CEP83: variants seen among roughly 807,000 people sequenced by gnomAD.
The protein encoded by CEP83 is centrosomal protein of 83 kDa.
CEP83 carries 70 observed loss-of-function variants against 101.9 expected under a neutral mutation model. The observed-to-expected ratio is 0.69, with a 90% CI of 0.57 to 0.84. CEP83 has a LOEUF of 0.84. Ranked by LOEUF, CEP83 falls within the 40% of genes least tolerant of loss-of-function variation. CEP83 has a pLI of 0.00. For missense variants in CEP83, 715 were observed against 787.2 expected (o/e 0.91, Z 1.10); for synonymous variants, 264 against 267.9 (o/e 0.99, Z 0.14).
intron 2 of CEP83, among the ~76,000 whole-genome samples, chr12:94,419,752 G>C (rs960512130): frequency 1.3e-5 from 2 of 152,026 alleles, no homozygotes; most frequent in African/African-American, 4.8e-5. Flanking sequence ...AAGGAGAAGA[G>C]AGTCTTCAAT....
chr12:94,310,550 GTCCTGCAGTCAGCCCT>G (rs1969692217), intron 15 of CEP83, among the ~76,000 whole-genome samples: 1 of 152,120 alleles, frequency 6.6e-6, no homozygotes, highest in Non-Finnish European at 1.5e-5. Flanking sequence ...GTGCATACAA[GTCCTGCAGTCAGCCCT>G]GCAGAACCCT....
chr12:94,380,210 C>T (rs2061771047), intron 6 of CEP83, among the ~76,000 whole-genome samples: 1 of 151,978 alleles, frequency 6.6e-6, no homozygotes, highest in South Asian at 2.1e-4. Flanking sequence ...AGACCTCCAC[C>T]CCAGGGCAGG....
the CEP83 span, among the ~76,000 whole-genome samples, chr12:94,281,279 CA>C: frequency 6.6e-6 from 1 of 150,638 alleles, no homozygotes; most frequent in Admixed American, 6.6e-5. Flanking sequence ...ACCCTGTCTC[CA>C]AAAAAAACAA....
chr12:94,372,595 C>T (rs2061354770), intron 8 of CEP83, among the ~76,000 whole-genome samples: 2 of 152,128 alleles, frequency 1.3e-5, no homozygotes, highest in Admixed American at 6.5e-5. Context: ...AAATTAGAGC[C>T]ATCTTATTTC....
At chr12:94,346,447 CAA>C (rs201802151) in intron 11 of CEP83, among the ~76,000 whole-genome samples, 4 of 91,388 alleles carry the variant, frequency 4.4e-5, no homozygotes, top group Non-Finnish European at 4.8e-5. Flanking sequence ...GACGCCGTCT[CAA>C]AAAAAAAAAA....
intron 14 of CEP83, among the ~76,000 whole-genome samples, chr12:94,325,191 A>C (rs2058922008): frequency 1.4e-5 from 2 of 143,852 alleles, no homozygotes. Context: ...TTTTTTTTTG[A>C]GATGGAGTCT....
intron 2 of CEP83, among the ~76,000 whole-genome samples, chr12:94,421,926 G>GA (rs2064784304): frequency 6.6e-6 from 1 of 152,138 alleles, no homozygotes; most frequent in South Asian, 2.1e-4. Flanking sequence ...TTTACTCAAA[G>GA]ACCTGTGGTA....
At chr12:94,334,882 A>G (rs1015925526) in intron 12 of CEP83, among the ~76,000 whole-genome samples, 2 of 152,204 alleles carry the variant, frequency 1.3e-5, no homozygotes, top group Admixed American at 1.3e-4. Flanking sequence ...CCATATGCAT[A>G]GCATGACAGA....
At position 94,454,902 on chromosome 12, in the gene CEP83, C is replaced by T. The variant is rs138287697; in HGVS notation, c.-155+4655G>A. ...CGGGAGGAATGAACAACTCCGGACG[C>T]GCCACCTTTAAGAGCTGTAGCACTC... On this transcript the variant is annotated intron_variant, in intron 1 of 16. Transcript: ENST00000397809. Among the ~76,000 whole-genome samples the T allele has an allele frequency of 2.8e-4, 42 of 152,230 alleles. No homozygotes were observed. The East Asian group carries it at 5.4e-3, about 20-fold the overall frequency.
intron 14 of CEP83, among the ~76,000 whole-genome samples, chr12:94,327,160 G>A (rs1320386850): frequency 1.3e-5 from 2 of 152,180 alleles, no homozygotes; most frequent in Non-Finnish European, 2.9e-5. Context: ...TCACAGGATA[G>A]TCAAATCGAT....
At chr12:94,266,457 C>T in the CEP83 span, among the ~76,000 whole-genome samples, 9 of 152,346 alleles carry the variant, frequency 5.9e-5, no homozygotes, top group Non-Finnish European at 1.3e-4. Flanking sequence ...CTAGCAGAAT[C>T]GCCCAGAAAG....
chr12:94,458,703 A>G (rs2067897372), intron 1 of CEP83, among the ~76,000 whole-genome samples: 1 of 152,176 alleles, frequency 6.6e-6, no homozygotes, highest in Non-Finnish European at 1.5e-5. Context: ...GCGCTACTGC[A>G]CTCCAGCCTG....
At chr12:94,387,761 T>A (rs1268345251) in intron 6 of CEP83, among the ~76,000 whole-genome samples, 1 of 151,818 alleles carries the variant, frequency 6.6e-6, no homozygotes, top group East Asian at 1.9e-4. Context: ...CATAATAAAG[T>A]AGGCAAAGTA....
At position 94,412,324 on chromosome 12, in the gene CEP83, T is replaced by C; in HGVS notation, c.167A>G (p.His56Arg). Residue 56 changes from histidine (H) to arginine (R), a missense_variant, in exon 3 of 17, where the codon CAC (histidine) becomes CGC (arginine). Physicochemically the swap from His to Arg is conservative, Grantham distance 29 (BLOSUM62 0). Coordinates refer to ENST00000397809, the MANE Select transcript of CEP83 (RefSeq NM_016122.3). ...CTAGATTTAAGTAATTTACCTTGTGTGTTCAGCCTTCAGTGTCTGATAATT... is the reference window on the plus strand; with the variant it reads ...CTAGATTTAAGTAATTTACCTTGTGCGTTCAGCCTTCAGTGTCTGATAATT... ...KANYQTLKAE[H>R]TRLQNEHVKL... is the part of the protein sequence containing the mutation. 2 of 1,598,500 alleles carry C rather than the reference T, an allele frequency of 1.3e-6. No homozygotes were observed. Among genetic ancestry groups the C allele is most frequent in the Non-Finnish European group, 1.7e-6 (2 of 1,174,760 alleles).
At chr12:94,300,392 A>C in the CEP83 span, among the ~76,000 whole-genome samples, 2 of 152,194 alleles carry the variant, frequency 1.3e-5, no homozygotes, top group Non-Finnish European at 2.9e-5. Flanking sequence ...CAAGAGCACA[A>C]GTTGTGAGGC....
the CEP83 span, chr12:94,278,230 A>G: frequency 2.8e-6 from 1 of 359,044 alleles, no homozygotes; most frequent in Non-Finnish European, 5.6e-6. Flanking sequence ...ATAATTGTGC[A>G]TTTCACACCA....
Position 94,364,786 on chromosome 12 carries a change from G to A in CEP83, c.1343+3008C>T, listed in dbSNP as rs553503529. Among the ~76,000 whole-genome samples the A allele has an allele frequency of 6.6e-5, 10 of 152,208 alleles. 1 individual carries two copies. The highest frequency in any genetic ancestry group is 1.7e-4 in the African/African-American group (7 of 41,528). Reference sequence around the variant, plus strand: ...ATCATGAATCACTGGGGCAAAGACAGGTTTTTAATAAAAGTGTGGGACAAT... The same window carrying A: ...ATCATGAATCACTGGGGCAAAGACAAGTTTTTAATAAAAGTGTGGGACAAT... On this transcript the variant is annotated intron_variant, in intron 11 of 16. Transcript: ENST00000397809.
intron 2 of CEP83, chr12:94,424,627 T>G: frequency 6.2e-7 from 1 of 1,613,754 alleles, no homozygotes; most frequent in Non-Finnish European, 8.5e-7. Context: ...TCAGTGCTGT[T>G]ACAGCTTTCT....
intron 1 of CEP83, among the ~76,000 whole-genome samples, chr12:94,452,757 T>A (rs2067352819): frequency 6.6e-6 from 1 of 152,078 alleles, no homozygotes; most frequent in Non-Finnish European, 1.5e-5. Flanking sequence ...AAGAAGGGTA[T>A]GTAGTTCAGA....
Sources: gnomAD v4.1 joint callset for allele counts (sites outside exome capture counted in the v4.1 genomes callset) on GRCh38, gnomAD v4.1.1 for gene constraint, MANE v1.5 for transcripts, NCBI Gene and HGNC (gene_info 2026-07-23, HGNC 2026-07-21) for gene names.